The following ZNF654 variants were observed in gnomAD, a reference collection of about 807,000 sequenced individuals.
ZNF654 encodes the protein zinc finger protein 654.
A neutral mutation model predicts 95.3 loss-of-function variants in ZNF654; 19 were observed. That is an observed-to-expected ratio of 0.20 (90% CI 0.14 to 0.29). The LOEUF is 0.29. Ranked by LOEUF, ZNF654 falls within the 10% of genes least tolerant of loss-of-function variation. The probability of loss-of-function intolerance (pLI) is 1.00; values close to 1 mark genes in which losing one functional copy is unlikely to be tolerated. For synonymous variants in ZNF654, 413 were observed against 457.9 expected (o/e 0.90, Z 1.25); for missense variants, 1,046 against 1,341.0 (o/e 0.78, Z 3.44).
chr3:88,085,313 G>A (rs1265367070), intron 1 of ZNF654, among the ~76,000 whole-genome samples: 1 of 152,156 alleles, frequency 6.6e-6, no homozygotes, highest in East Asian at 1.9e-4. Context: ...GTTGTAGCAG[G>A]AAAGCAGCCA....
chr3:88,085,383 T>C (rs531330404), intron 1 of ZNF654, among the ~76,000 whole-genome samples: 8 of 152,352 alleles, frequency 5.3e-5, no homozygotes, highest in South Asian at 2.1e-4. Context: ...TTTATAGATA[T>C]TGAAATTTGA....
intron 5 of ZNF654, 104 bp downstream of exon 5, chr3:88,129,115 A>G (rs1340078896): frequency 9.0e-6 from 7 of 781,246 alleles, no homozygotes; most frequent in Non-Finnish European, 1.4e-5. Context: ...TTTTACAGTA[A>G]TGCCAAAGAT....
rs1576355811 is a variant in ZNF654, at chr3:88,139,280, A to G, written c.1611A>G (p.Lys537=). The G allele has an allele frequency of 6.4e-7, 1 of 1,559,004 alleles. No individual in the cohort carries two copies. Among genetic ancestry groups the G allele is most frequent in the East Asian group, 2.2e-5 (1 of 44,670 alleles). The part of the protein sequence containing the change: ...KKNLTALSTS[K]VDHNVPRHRC... ...ATCTTACAGCTCTCAGTACTTCCAA[A>G]GTAGATCACAATGTCCCAAGGCATC... Residue 537 remains lysine (K), a synonymous_variant, in exon 8 of 9, where the codon AAA becomes AAG. Transcript: ENST00000636215.
intron 2 of ZNF654, among the ~76,000 whole-genome samples, chr3:88,103,251 A>G (rs1265992433): frequency 6.6e-6 from 1 of 152,194 alleles, no homozygotes; most frequent in Non-Finnish European, 1.5e-5. Flanking sequence ...AGTGGAAAAG[A>G]CAGATAATAC....
chr3:88,125,862 C>T (rs1706069418), intron 3 of ZNF654, among the ~76,000 whole-genome samples: 1 of 152,106 alleles, frequency 6.6e-6, no homozygotes, highest in African/African-American at 2.4e-5. Context: ...TGGTTCTTTT[C>T]CTAGAAATGA....
chr3:88,077,334 G>GT (rs1211322878), intron 1 of ZNF654, among the ~76,000 whole-genome samples: 31 of 143,202 alleles, frequency 2.2e-4, no homozygotes, highest in African/African-American at 8.7e-4. Context: ...GACTTAAATT[G>GT]TTTTTTTTTT....
chr3:88,101,732 G>A (rs909356351), intron 2 of ZNF654, among the ~76,000 whole-genome samples: 4 of 152,060 alleles, frequency 2.6e-5, no homozygotes, highest in Non-Finnish European at 2.9e-5. Context: ...TATGTTTAGC[G>A]TTTTGTAAAA....
At position 88,140,629 on chromosome 3, in the gene ZNF654, C is replaced by G. The variant is rs1187227591; in HGVS notation, c.2960C>G (p.Pro987Arg). The G allele has an allele frequency of 6.2e-7, 1 of 1,613,640 alleles. No individual in the cohort carries two copies. The highest frequency in any genetic ancestry group is 1.3e-5 in the African/African-American group (1 of 74,990). The change falls in exon 8 of 9, where the codon CCT becomes CGT. Residue 987 changes from proline (P) to arginine (R), a missense_variant. Pro to Arg is a moderately radical substitution (Grantham distance 103). Coordinates refer to ENST00000636215, the MANE Select transcript of ZNF654 (RefSeq NM_001350134.2). The stretch of plus-strand genomic sequence containing the variant: ...GGACACAGTGAAATAGAGCAAACAC[C>G]TTTAGTTTCATCAGATCCTGCTTTG... ...VNGHSEIEQT[P>R]LVSSDPALKI...
At chr3:88,078,122 T>C (rs1362217235) in intron 1 of ZNF654, among the ~76,000 whole-genome samples, 2 of 152,222 alleles carry the variant, frequency 1.3e-5, no homozygotes, top group Non-Finnish European at 2.9e-5. Context: ...CGGACTGATT[T>C]CTTTGTTAAA....
At chr3:88,080,644 T>C (rs190918014) in intron 1 of ZNF654, among the ~76,000 whole-genome samples, 3 of 152,250 alleles carry the variant, frequency 2.0e-5, no homozygotes, top group East Asian at 3.9e-4. Context: ...ATTTACCTGC[T>C]TTATTTTTCC....
At chr3:88,082,267 C>G (rs1227405604) in intron 1 of ZNF654, among the ~76,000 whole-genome samples, 3 of 152,106 alleles carry the variant, frequency 2.0e-5, no homozygotes, top group Non-Finnish European at 2.9e-5. Flanking sequence ...GCTAGGACTA[C>G]AGGCGCGTGC....
Position 88,139,182 on chromosome 3 carries a change from C to G in ZNF654, c.1513C>G (p.Gln505Glu). 7.1e-7 allele frequency: 1 copy of G among 1,417,106 alleles called. No individual in the cohort carries two copies. Among genetic ancestry groups the G allele is most frequent in the Non-Finnish European group, 9.2e-7 (1 of 1,085,972 alleles). The allele number at this position is 1,417,106 out of a possible 1,614,324, so 87.8% of individuals were successfully genotyped here. ...LDEGFDSLTD[Q>E]STGETDPDDV... ...TGAAGGGTTTGACTCTCTTACAGAT[C>G]AGAGCACTGGAGAGACTGATCCTGA... Residue 505 changes from glutamine to glutamate, a missense_variant, in exon 8 of 9, where the codon CAG becomes GAG. Transcript: ENST00000636215.
intron 1 of ZNF654, among the ~76,000 whole-genome samples, chr3:88,066,364 A>G (rs1351576592): frequency 1.3e-5 from 2 of 152,186 alleles, no homozygotes; most frequent in Non-Finnish European, 2.9e-5. Flanking sequence ...GCTTGAGCTC[A>G]GGAGTTCGAT....
At chr3:88,093,341 T>A (rs1287357553) in intron 2 of ZNF654, among the ~76,000 whole-genome samples, 1 of 152,172 alleles carries the variant, frequency 6.6e-6, no homozygotes, top group Admixed American at 6.6e-5. Flanking sequence ...AAAAGCAAAT[T>A]GTAATGCTGC....
intron 2 of ZNF654, among the ~76,000 whole-genome samples, chr3:88,090,878 A>G (rs939113868): frequency 6.6e-6 from 1 of 152,230 alleles, no homozygotes; most frequent in Non-Finnish European, 1.5e-5. Context: ...AAAAATTGCA[A>G]AAAGATTACG....
At chr3:88,064,736 G>GT (rs1707099354) in intron 1 of ZNF654, among the ~76,000 whole-genome samples, 1 of 152,008 alleles carries the variant, frequency 6.6e-6, no homozygotes, top group South Asian at 2.1e-4. Context: ...TTGTCCAGTG[G>GT]GTTTAGCTCT....
At chr3:88,102,907 AG>A (rs1274560114) in intron 2 of ZNF654, among the ~76,000 whole-genome samples, 1 of 140,486 alleles carries the variant, frequency 7.1e-6, no homozygotes, top group East Asian at 2.1e-4. Context: ...TATATTGCTG[AG>A]GTTTGGGATA....
intron 2 of ZNF654, among the ~76,000 whole-genome samples, chr3:88,087,042 A>G (rs1708370767): frequency 6.6e-6 from 1 of 151,898 alleles, no homozygotes; most frequent in Non-Finnish European, 1.5e-5. Flanking sequence ...TTGGCCTCCC[A>G]AAGTGCTGGG....
intron 4 of ZNF654, among the ~76,000 whole-genome samples, chr3:88,128,533 AG>A: frequency 6.6e-6 from 1 of 152,144 alleles, no homozygotes; most frequent in South Asian, 2.1e-4. Context: ...AACTGAAAGA[AG>A]AAAAAAAATT....
Sources: allele counts gnomAD v4.1 joint callset (sites outside exome capture counted in the v4.1 genomes callset), GRCh38; gene constraint gnomAD v4.1.1; transcripts MANE v1.5; gene names NCBI Gene and HGNC (gene_info 2026-07-23, HGNC 2026-07-21).